Variants in ANK3 observed in about 807,000 individuals in gnomAD.
ANK3 encodes the protein ankyrin 3.
A neutral mutation model predicts 370.9 loss-of-function variants in ANK3; 57 were observed. That is an observed-to-expected ratio of 0.15 (90% confidence interval 0.12 to 0.19). ANK3 has a LOEUF of 0.19. ANK3 is among the 10% of genes least tolerant of loss of function. The pLI, the probability that ANK3 is intolerant of heterozygous loss-of-function variation, is 1.00. For synonymous variants in ANK3, 1,929 were observed against 1,946.3 expected (o/e 0.99, Z 0.23); for missense variants, 4,439 against 5,302.1 (o/e 0.84, Z 5.06).
intron 1 of ANK3, among the ~76,000 whole-genome samples, chr10:60,291,525 G>C (rs543938170): frequency 2.6e-5 from 4 of 152,168 alleles, no homozygotes; most frequent in Admixed American, 2.6e-4. Context: ...AGGATGATTT[G>C]ACTAGATGAC....
chr10:60,220,098 A>G (rs2097017787), intron 8 of ANK3, among the ~76,000 whole-genome samples: 2 of 152,220 alleles, frequency 1.3e-5, no homozygotes, highest in African/African-American at 4.8e-5. Context: ...TTCATAATGT[A>G]AAACCTGAAG....
intron 2 of ANK3, among the ~76,000 whole-genome samples, chr10:60,499,061 G>A (rs1337488489): frequency 1.3e-5 from 2 of 152,132 alleles, no homozygotes; most frequent in African/African-American, 4.8e-5. Flanking sequence ...TGTTGTTATA[G>A]TCAAAGTACC....
In ANK3 at chr10:60,667,120, A is replaced by G. The variant is rs530404863; in HGVS notation, c.58-51896T>C. Among the ~76,000 whole-genome samples, 4 of 150,366 alleles carry G rather than the reference A, an allele frequency of 2.7e-5. No individual in the cohort carries two copies. In the South Asian group the frequency reaches 6.3e-4, roughly 24 times the overall value. On this transcript the variant is annotated intron_variant, in intron 1 of 43. Transcript: ENST00000373827. Reference sequence around the variant, plus strand: ...TGTATTTTTATTTGCTAAATCTGGCACACACACCAATTTCTTCTTAGTTTT... The same window carrying G: ...TGTATTTTTATTTGCTAAATCTGGCGCACACACCAATTTCTTCTTAGTTTT...
chr10:60,363,778 C>T (rs1187402683), intron 1 of ANK3, among the ~76,000 whole-genome samples: 1 of 152,046 alleles, frequency 6.6e-6, no homozygotes, highest in African/African-American at 2.4e-5. Context: ...ATATGATGTA[C>T]ATATCAAAAA....
chr10:60,189,896 A>G (rs914864764), intron 16 of ANK3, among the ~76,000 whole-genome samples: 2 of 152,238 alleles, frequency 1.3e-5, no homozygotes, highest in Non-Finnish European at 2.9e-5. Context: ...GAACTTTCAC[A>G]AATATACTGA....
chr10:60,487,573 T>C (rs1323936764), intron 2 of ANK3, among the ~76,000 whole-genome samples: 2 of 136,866 alleles, frequency 1.5e-5, no homozygotes, highest in Non-Finnish European at 3.3e-5. Flanking sequence ...GGAGGAATAC[T>C]TGGTAAAATG....
At chr10:60,635,407 A>T (rs904774301) in intron 1 of ANK3, among the ~76,000 whole-genome samples, 1 of 152,052 alleles carries the variant, frequency 6.6e-6, no homozygotes, top group East Asian at 1.9e-4. Context: ...AAACATGCCT[A>T]AAAAAAATCT....
intron 7 of ANK3, among the ~76,000 whole-genome samples, chr10:60,248,201 G>A (rs964663458): frequency 2.0e-5 from 3 of 152,112 alleles, no homozygotes; most frequent in Admixed American, 1.3e-4. Context: ...CCCAGAAGTG[G>A]AACTGCTGGA....
chr10:60,685,244 A>G (rs545797746), intron 1 of ANK3: 44 of 293,810 alleles, frequency 1.5e-4, no homozygotes, highest in Admixed American at 1.0e-4. Flanking sequence ...GTAGAGGATG[A>G]GTAAATGCAT....
chr10:60,141,454 C>G (rs941184790), intron 23 of ANK3, among the ~76,000 whole-genome samples: 1 of 151,706 alleles, frequency 6.6e-6, no homozygotes, highest in East Asian at 1.9e-4. Context: ...CACTAGTGGC[C>G]TTCCTTCTCA....
chr10:60,591,981 A>G (rs146820234), intron 2 of ANK3, among the ~76,000 whole-genome samples: 1 of 152,340 alleles, frequency 6.6e-6, no homozygotes, highest in African/African-American at 2.4e-5. Context: ...GTACGAAAAA[A>G]TAGAAAGAAT....
intron 26 of ANK3, 37 bp downstream of exon 26, chr10:60,114,188 T>G: frequency 8.4e-7 from 1 of 1,189,204 alleles, no homozygotes. Flanking sequence ...ACTGTTCATG[T>G]AGTAGGATAA....
chr10:60,397,909 A>T (rs1028235194), intron 2 of ANK3, among the ~76,000 whole-genome samples: 6 of 152,158 alleles, frequency 3.9e-5, no homozygotes, highest in Non-Finnish European at 5.9e-5. Flanking sequence ...ATATCTTTTA[A>T]AAAGGGGCTG....
Position 60,070,467 on chromosome 10 carries a change from T to C in ANK3, c.10414A>G (p.Lys3472Glu). 8.1e-6 allele frequency: 13 copies of C among 1,614,154 alleles called. No homozygotes were observed. The highest frequency in any genetic ancestry group is 1.1e-5 in the Non-Finnish European group (13 of 1,180,008). The change falls in exon 37 of 44, where the codon AAG becomes GAG. Residue 3472 changes from lysine to glutamate, a missense_variant. Transcript: ENST00000280772. The surrounding 1 kb of genome is among the most constrained non-coding windows in gnomAD (Gnocchi z 5.7). ...GGCTTGTCCTCATCTGGTCCCACCT[T>C]TCCCTCCTCCTCGATAACTTCAAGT... ...SKLEVIEEEG[K>E]VGPDEDKPPS...
chr10:60,608,320 T>C (rs1181873150), intron 2 of ANK3, among the ~76,000 whole-genome samples: 1 of 152,210 alleles, frequency 6.6e-6, no homozygotes, highest in Non-Finnish European at 1.5e-5. Context: ...CACAATCAGC[T>C]ACATCAGGAA....
At chr10:60,346,807 T>A (rs1432229800) in intron 1 of ANK3, among the ~76,000 whole-genome samples, 1 of 151,998 alleles carries the variant, frequency 6.6e-6, no homozygotes, top group Non-Finnish European at 1.5e-5. Context: ...TCATACAGAC[T>A]TATTCTTCTG....
At chr10:60,529,134 G>C (rs1289783573) in intron 2 of ANK3, among the ~76,000 whole-genome samples, 1 of 152,062 alleles carries the variant, frequency 6.6e-6, no homozygotes, top group Non-Finnish European at 1.5e-5. Flanking sequence ...ATCAGCAAGG[G>C]AATGCACAGC....
intron 1 of ANK3, among the ~76,000 whole-genome samples, chr10:60,615,622 G>C (rs1236565726): frequency 6.6e-6 from 1 of 152,048 alleles, no homozygotes; most frequent in Non-Finnish European, 1.5e-5. Context: ...GAAAATGCTG[G>C]CATCAGAAAA....
intron 1 of ANK3, among the ~76,000 whole-genome samples, chr10:60,335,238 T>G (rs1357998383): frequency 1.3e-5 from 2 of 152,058 alleles, no homozygotes; most frequent in African/African-American, 4.8e-5. Flanking sequence ...AAGCGAGGGT[T>G]ACTAATAAGA....
Sources: gnomAD v4.1 joint callset for allele counts (sites outside exome capture counted in the v4.1 genomes callset) on GRCh38, gnomAD v4.1.1 for gene constraint, Gnocchi (gnomAD v3.1) non-coding constraint, MANE v1.5 for transcripts, NCBI Gene and HGNC (gene_info 2026-07-23, HGNC 2026-07-21) for gene names.